Variants in RIMKLB observed in about 807,000 individuals in gnomAD.
The protein encoded by RIMKLB is ribosomal modification protein rimK like family member B.
RIMKLB carries 7 observed loss-of-function variants against 32.0 expected under a neutral mutation model. The observed-to-expected ratio is 0.22, with a 90% CI of 0.12 to 0.41. The LOEUF (loss-of-function observed/expected upper bound fraction) is 0.41. RIMKLB is among the 10% of genes least tolerant of loss of function. The pLI is 1.00. For missense variants in RIMKLB, 289 were observed against 498.7 expected, an observed-to-expected ratio of 0.58 and a Z score of 4.00; for synonymous variants, 172 against 185.1, an observed-to-expected ratio of 0.93 and a Z score of 0.57.
At chr12:8,777,435 T>A (rs955405286), downstream of RIMKLB, 1 of 985,326 alleles carries the variant, frequency 1.0e-6, no homozygotes, top group South Asian at 4.7e-5. Context: ...CAATGCCATT[T>A]TGCCATGCTG....
chr12:8,701,647 C>CTT (rs752751224), intron 1 of RIMKLB, among the ~76,000 whole-genome samples: 61 of 124,728 alleles, frequency 4.9e-4, no homozygotes, highest in African/African-American at 1.4e-3. Context: ...GGCCTGATCT[C>CTT]TTTTTTTTTT....
chr12:8,697,658 TC>T, upstream of RIMKLB: 2 of 273,046 alleles, frequency 7.3e-6, no homozygotes, highest in Non-Finnish European at 1.6e-5. Context: ...GGGAGGCGCG[TC>T]CTCGGAGCGC....
upstream of RIMKLB, among the ~76,000 whole-genome samples, chr12:8,696,886 T>G (rs1942909242): frequency 6.6e-6 from 1 of 152,172 alleles, no homozygotes; most frequent in South Asian, 2.1e-4. Flanking sequence ...TTACCGTACC[T>G]CACACCTGGT....
At chr12:8,771,597 A>G (rs1950400598) in intron 5 of RIMKLB, among the ~76,000 whole-genome samples, 1 of 152,094 alleles carries the variant, frequency 6.6e-6, no homozygotes, top group Non-Finnish European at 1.5e-5. Context: ...TGCCTTGAAG[A>G]TTTTATTGTT....
intron 5 of RIMKLB, among the ~76,000 whole-genome samples, chr12:8,771,928 G>T (rs186985950): frequency 6.6e-6 from 1 of 151,898 alleles, no homozygotes; most frequent in African/African-American, 2.4e-5. Flanking sequence ...TCGTTCTGTC[G>T]CCCAGGCTGG....
At chr12:8,734,927 C>G (rs1946860189) in intron 2 of RIMKLB, among the ~76,000 whole-genome samples, 1 of 152,106 alleles carries the variant, frequency 6.6e-6, no homozygotes, top group African/African-American at 2.4e-5. Context: ...CTTTGTAGTC[C>G]TTTTATGAGA....
intron 5 of RIMKLB, among the ~76,000 whole-genome samples, chr12:8,763,085 A>G (rs1370373901): frequency 6.6e-6 from 1 of 152,220 alleles, no homozygotes; most frequent in East Asian, 1.9e-4. Context: ...TGTTTACATT[A>G]TGAGATGTCC....
chr12:8,736,822 C>A (rs958596327), intron 2 of RIMKLB, among the ~76,000 whole-genome samples: 1 of 151,650 alleles, frequency 6.6e-6, no homozygotes, highest in African/African-American at 2.4e-5. Flanking sequence ...TAATTACTTT[C>A]TTTTTTGAGA....
At chr12:8,695,199 G>A (rs879485361), upstream of RIMKLB, among the ~76,000 whole-genome samples, 2 of 67,232 alleles carry the variant, frequency 3.0e-5, no homozygotes, top group South Asian at 1.2e-3. Flanking sequence ...CCGCCCCCCC[G>A]CCCCGCCCCG....
At chr12:8,758,047 C>G (rs1479783138) in intron 5 of RIMKLB, among the ~76,000 whole-genome samples, 1 of 151,672 alleles carries the variant, frequency 6.6e-6, no homozygotes, top group Admixed American at 6.6e-5. Flanking sequence ...CCTCCTGCCT[C>G]TTGCCTCCCT....
At chr12:8,704,125 T>A (rs1298918778) in intron 1 of RIMKLB, among the ~76,000 whole-genome samples, 3 of 152,204 alleles carry the variant, frequency 2.0e-5, no homozygotes, top group African/African-American at 7.2e-5. Context: ...GGCTCACGCC[T>A]GTAATCCCAA....
At chr12:8,765,084 T>C (rs1949845476) in intron 5 of RIMKLB, among the ~76,000 whole-genome samples, 1 of 151,874 alleles carries the variant, frequency 6.6e-6, no homozygotes, top group South Asian at 2.1e-4. Flanking sequence ...TGTCTGCAGC[T>C]GACTGAGTGA....
intron 2 of RIMKLB, among the ~76,000 whole-genome samples, chr12:8,715,180 C>T (rs778413397): frequency 1.1e-4 from 17 of 150,912 alleles, no homozygotes; most frequent in Admixed American, 2.0e-4. Context: ...TTATTGTTGC[C>T]AGAAATGTTT....
Position 8,737,043 on chromosome 12 carries a change from C to T in RIMKLB, c.176-12819C>T, listed in dbSNP as rs1042318112. On this transcript the variant is annotated intron_variant, in intron 2 of 5. Transcript: ENST00000535829. Reference sequence around the variant, plus strand: ...GGCCAGGCTGGTCTTGAACTCCTAACCTCAGGTGATCCTCCCGCCTTGGCC... The same window carrying T: ...GGCCAGGCTGGTCTTGAACTCCTAATCTCAGGTGATCCTCCCGCCTTGGCC... 2.2e-4 allele frequency among the ~76,000 whole-genome samples: 33 copies of T among 152,116 alleles called. 1 individual carries two copies. The highest frequency in any genetic ancestry group is 1.8e-3 in the Admixed American group (28 of 15,260).
intron 2 of RIMKLB, among the ~76,000 whole-genome samples, chr12:8,729,323 G>A (rs768872210): frequency 4.6e-5 from 7 of 152,006 alleles, no homozygotes; most frequent in Admixed American, 1.3e-4. Context: ...AGTGGCTCTC[G>A]GTGGGAAGCG....
Position 8,750,012 on chromosome 12 carries a change from T to A in RIMKLB, c.326T>A (p.Ile109Asn). 1 of 1,614,114 alleles carries A rather than the reference T, an allele frequency of 6.2e-7. No individual in the cohort carries two copies. Among genetic ancestry groups the A allele is most frequent in the Non-Finnish European group, 8.5e-7 (1 of 1,179,972 alleles). ...GCRLMNRPQA[I>N]LNCVNKFWTF... ...CGGTTAATGAACCGACCTCAAGCCATCCTGAACTGCGTTAATAAGTTCTGG... is the reference window on the plus strand; with the variant it reads ...CGGTTAATGAACCGACCTCAAGCCAACCTGAACTGCGTTAATAAGTTCTGG... The change falls in exon 3 of 6, where the codon ATC (isoleucine) becomes AAC (asparagine). Residue 109 changes from isoleucine (I) to asparagine (N), a missense_variant. Around this residue, in one of 3 missense-constraint regions of RIMKLB, gnomAD observed 156 missense variants for 329.5 expected, o/e 0.47. Transcript: ENST00000535829.
In RIMKLB at chr12:8,733,085, A is replaced by G. The variant is rs1946695289; in HGVS notation, c.176-16777A>G. Among the ~76,000 whole-genome samples the G allele has an allele frequency of 2.0e-5, 3 of 152,242 alleles. 1 individual carries two copies. The highest frequency in any genetic ancestry group is 4.1e-4 in the South Asian group (2 of 4,820). ...GTATGGCTGTATACTATTCAGTTGT[A>G]TAGAATTGTGATTTAGAAATACCCG... On this transcript the variant is annotated intron_variant, in intron 2 of 5. Coordinates refer to ENST00000535829, the MANE Select transcript of RIMKLB (RefSeq NM_001297776.2).
intron 4 of RIMKLB, 126 bp from the exon 5 acceptor site, chr12:8,753,763 GA>G (rs1352949284): frequency 1.4e-6 from 1 of 720,092 alleles, no homozygotes; most frequent in African/African-American, 1.8e-5. Flanking sequence ...TTCTAACAAA[GA>G]AAACTTAAAA....
chr12:8,722,220 TA>T (rs34755699), intron 2 of RIMKLB, among the ~76,000 whole-genome samples: 6,351 of 147,626 alleles, frequency 0.043, 410 homozygotes, highest in African/African-American at 0.14. Context: ...CTCACAGAGC[TA>T]AAAAAAAAAA....
Sources: allele counts gnomAD v4.1 joint callset (sites outside exome capture counted in the v4.1 genomes callset), GRCh38; gene constraint gnomAD v4.1.1; regional missense constraint gnomAD v4.1.1; transcripts MANE v1.5; gene names NCBI Gene and HGNC (gene_info 2026-07-23, HGNC 2026-07-21).